CAMK2D: variants seen among roughly 807,000 people sequenced by gnomAD.
The protein encoded by CAMK2D is calcium/calmodulin dependent protein kinase II delta, also known as calcium/calmodulin-dependent protein kinase type II subunit delta.
Under a neutral mutation model 84.0 loss-of-function variants are expected in CAMK2D, and 37 were observed. The ratio of observed to expected loss-of-function variants is 0.44; its 90% CI spans 0.34 to 0.58. The LOEUF is 0.58. Ranked by LOEUF, CAMK2D falls within the 20% of genes least tolerant of loss-of-function variation. CAMK2D has a pLI of 0.02. For missense variants in CAMK2D, 448 were observed against 652.5 expected, an observed-to-expected ratio of 0.69 and a Z score of 3.41; for synonymous variants, 202 against 212.5, an observed-to-expected ratio of 0.95 and a Z score of 0.43.
intron 2 of CAMK2D, among the ~76,000 whole-genome samples, chr4:113,681,889 C>A (rs1398213684): frequency 6.6e-6 from 1 of 151,808 alleles, no homozygotes; most frequent in South Asian, 2.1e-4. Context: ...CAGCCTTTTC[C>A]AGTTCCATTT....
intron 2 of CAMK2D, among the ~76,000 whole-genome samples, chr4:113,730,134 A>G (rs2099560786): frequency 6.6e-6 from 1 of 152,214 alleles, no homozygotes; most frequent in African/African-American, 2.4e-5. Flanking sequence ...AGTTCCTAAA[A>G]AACAGTAAGT....
chr4:113,482,425 A>G (rs2097711983), intron 16 of CAMK2D, among the ~76,000 whole-genome samples: 1 of 152,202 alleles, frequency 6.6e-6, no homozygotes, highest in Non-Finnish European at 1.5e-5. Flanking sequence ...TAAAAGCACT[A>G]GAATATAACA....
intron 4 of CAMK2D, among the ~76,000 whole-genome samples, chr4:113,593,916 C>CTT (rs138017483): frequency 0.04 from 6,024 of 149,718 alleles, 348 homozygotes; most frequent in East Asian, 0.19. Flanking sequence ...CAGAGTTGTG[C>CTT]TTTTTTTTTT....
At position 113,536,930 on chromosome 4, in the gene CAMK2D, T is replaced by C. The variant is rs1162938349; in HGVS notation, c.517+411A>G. On this transcript the variant is annotated intron_variant, in intron 7 of 20. Coordinates refer to ENST00000511664, the MANE Select transcript of CAMK2D (RefSeq NM_001321571.2). ...AAATCATAAATCATAAAGTATTATA[T>C]GTGAAATATCCTGTGTTTCTTGAGC... Among the ~76,000 whole-genome samples the C allele has an allele frequency of 3.9e-5, 6 of 152,224 alleles. 1 individual carries two copies. The highest frequency in any genetic ancestry group is 3.9e-4 in the Admixed American group (6 of 15,274).
At chr4:113,484,393 G>C (rs911610700) in intron 16 of CAMK2D, among the ~76,000 whole-genome samples, 1 of 152,088 alleles carries the variant, frequency 6.6e-6, no homozygotes, top group Non-Finnish European at 1.5e-5. Context: ...CTGAAAGGAG[G>C]CCATTAGGGC....
chr4:113,519,955 A>G (rs2098334934), intron 8 of CAMK2D, among the ~76,000 whole-genome samples: 1 of 152,196 alleles, frequency 6.6e-6, no homozygotes, highest in Non-Finnish European at 1.5e-5. Context: ...TATGAACTTT[A>G]GTAGGAATGA....
At chr4:113,463,936 T>A (rs2097424601) in intron 17 of CAMK2D, among the ~76,000 whole-genome samples, 2 of 152,348 alleles carry the variant, frequency 1.3e-5, no homozygotes, top group African/African-American at 4.8e-5. Context: ...AAATTTATAC[T>A]TGTTAAATTC....
intron 16 of CAMK2D, among the ~76,000 whole-genome samples, chr4:113,470,607 C>T (rs2097535713): frequency 6.7e-6 from 1 of 150,178 alleles, no homozygotes; most frequent in South Asian, 2.1e-4. Context: ...CATTGCACTC[C>T]AGCCTGGTGA....
At chr4:113,513,278 A>G (rs1373431277) in intron 12 of CAMK2D, 50 bp downstream of exon 12, 2 of 1,588,168 alleles carry the variant, frequency 1.3e-6, no homozygotes, top group South Asian at 1.1e-5. Flanking sequence ...AACAGAGACT[A>G]CTTAAAAAGA....
intron 3 of CAMK2D, among the ~76,000 whole-genome samples, chr4:113,623,685 G>A (rs1025945320): frequency 2.2e-4 from 34 of 152,072 alleles, no homozygotes; most frequent in Admixed American, 5.2e-4. Flanking sequence ...GGTATTATCT[G>A]ACCATCATCA....
chr4:113,457,615 TA>T (rs755064060), intron 18 of CAMK2D, 52 bp from the exon 19 acceptor site: 2 of 1,394,638 alleles, frequency 1.4e-6, no homozygotes, highest in East Asian at 2.3e-5. Flanking sequence ...TAAAGGAAAC[TA>T]AAACCAGTAA....
intron 2 of CAMK2D, among the ~76,000 whole-genome samples, chr4:113,727,552 G>A (rs2099549907): frequency 1.3e-5 from 2 of 152,064 alleles, no homozygotes; most frequent in Admixed American, 1.3e-4. Flanking sequence ...GAAATCTAAA[G>A]CTAAAGTAAA....
intron 4 of CAMK2D, among the ~76,000 whole-genome samples, chr4:113,592,033 T>C (rs1165759697): frequency 1.3e-5 from 2 of 152,188 alleles, no homozygotes; most frequent in Non-Finnish European, 2.9e-5. Context: ...ATATAATTAG[T>C]ACTTAATAAG....
At chr4:113,581,066 C>A (rs1350940991) in intron 4 of CAMK2D, among the ~76,000 whole-genome samples, 1 of 150,964 alleles carries the variant, frequency 6.6e-6, no homozygotes, top group Non-Finnish European at 1.5e-5. Context: ...TGCCCCAGCA[C>A]TAAAAATAAA....
At position 113,660,793 on chromosome 4, in the gene CAMK2D, C is replaced by CTT. The variant is rs551244067; in HGVS notation, c.220+918_220+919dup. Among the ~76,000 whole-genome samples the CTT allele has an allele frequency of 6.8e-4, 88 of 129,472 alleles. 1 individual carries two copies. The highest frequency in any genetic ancestry group is 1.1e-3 in the Non-Finnish European group (65 of 60,286). The allele number at this position is 129,472 out of a possible 152,430, so 84.9% of individuals were successfully genotyped here. ...CTTCAGCAGCAGTAGCTGAACAATT[C>CTT]TTTTTTTTTTTTTTTTTTTGAGACA... On this transcript the variant is annotated intron_variant, in intron 3 of 20. Transcript: ENST00000511664.
rs748916519 is a variant in CAMK2D at position 113,515,197 on chromosome 4, A to G, written c.697-6T>C. 1.9e-6 allele frequency: 3 copies of G among 1,582,320 alleles called. No homozygotes were observed. The South Asian group carries it at 3.5e-5, about 19-fold the overall frequency. The stretch of plus-strand genomic sequence containing the variant: ...TCCCATTCTGGTGATGGAAACTTCA[A>G]AAATATAAATTTATAAAAAGTTTAA... On this transcript the variant is annotated splice_region_variant and splice_polypyrimidine_tract_variant and intron_variant, in intron 9 of 20. Coordinates refer to ENST00000511664, the MANE Select transcript of CAMK2D (RefSeq NM_001321571.2).
intron 3 of CAMK2D, among the ~76,000 whole-genome samples, chr4:113,637,551 C>G (rs2099114731): frequency 6.6e-6 from 1 of 152,146 alleles, no homozygotes; most frequent in Non-Finnish European, 1.5e-5. Context: ...TTCAGAAATT[C>G]TCATCGAGGA....
chr4:113,480,310 T>G (rs1015811926), intron 16 of CAMK2D, among the ~76,000 whole-genome samples: 2 of 152,010 alleles, frequency 1.3e-5, no homozygotes, highest in African/African-American at 2.4e-5. Context: ...TCAGAATGGT[T>G]TACATGAGCA....
chr4:113,627,932 C>T (rs972987219), intron 3 of CAMK2D, among the ~76,000 whole-genome samples: 1 of 152,154 alleles, frequency 6.6e-6, no homozygotes, highest in African/African-American at 2.4e-5. Flanking sequence ...CAAGAGCAGG[C>T]AAACTTGCAG....
Sources: gnomAD v4.1 joint callset for allele counts (sites outside exome capture counted in the v4.1 genomes callset) on GRCh38, gnomAD v4.1.1 for gene constraint, MANE v1.5 for transcripts, NCBI Gene and HGNC (gene_info 2026-07-23, HGNC 2026-07-21) for gene names.